Variants in DCHS2 observed in about 807,000 individuals in gnomAD.
DCHS2 encodes the protein dachsous cadherin-related 2, also known as protocadherin-23.
DCHS2 carries 142 observed loss-of-function variants against 182.4 expected under a neutral mutation model. The ratio of observed to expected loss-of-function variants is 0.78; its 90% CI spans 0.68 to 0.89. DCHS2 has a LOEUF of 0.89. Ranked by LOEUF, DCHS2 falls within the 40% of genes least tolerant of loss-of-function variation. DCHS2 has a pLI of 0.00. For synonymous variants in DCHS2, 1,740 were observed against 1,663.3 expected, an observed-to-expected ratio of 1.05 and a Z score of -1.12; for missense variants, 4,319 against 4,198.6, an observed-to-expected ratio of 1.03 and a Z score of -0.79.
chr4:154,446,718 C>T (rs1400144086), intron 1 of DCHS2, among the ~76,000 whole-genome samples: 5 of 152,094 alleles, frequency 3.3e-5, no homozygotes, highest in Admixed American at 6.6e-5. Context: ...AATGCTGCCT[C>T]TCCTGACATT....
At chr4:154,479,657 T>C (rs1373628860) in intron 1 of DCHS2, among the ~76,000 whole-genome samples, 1 of 152,222 alleles carries the variant, frequency 6.6e-6, no homozygotes, top group African/African-American at 2.4e-5. Context: ...TCTTTTAAAA[T>C]CTACTAAGAA....
chr4:154,446,987 G>A (rs1053527480), intron 1 of DCHS2, among the ~76,000 whole-genome samples: 21 of 151,720 alleles, frequency 1.4e-4, no homozygotes, highest in Non-Finnish European at 1.0e-4. Flanking sequence ...CATAATAAAT[G>A]CAAGTAAAAC....
intron 10 of DCHS2, among the ~76,000 whole-genome samples, chr4:154,309,817 A>G (rs1735601409): frequency 6.6e-6 from 1 of 152,242 alleles, no homozygotes; most frequent in Non-Finnish European, 1.5e-5. Context: ...TAAAGTGACT[A>G]TTAAAGGACT....
chr4:154,239,165 C>A lies in DCHS2; in HGVS notation c.7492+5G>T. On this transcript the variant is annotated splice_donor_5th_base_variant and intron_variant, in intron 19 of 19. Coordinates refer to ENST00000357232, the MANE Select transcript of DCHS2 (RefSeq NM_001358235.2). The stretch of plus-strand genomic sequence containing the variant: ...TGAGCATTAATGCAATTATAAATAA[C>A]TCACCATTCTTAGGATCAATGGAGA... 6.2e-7 allele frequency: 1 copy of A among 1,609,614 alleles called. No homozygotes were observed. The highest frequency in any genetic ancestry group is 8.5e-7 in the Non-Finnish European group (1 of 1,178,294).
At chr4:154,403,379 C>CGGT (rs1732271311) in intron 1 of DCHS2, among the ~76,000 whole-genome samples, 1 of 151,968 alleles carries the variant, frequency 6.6e-6, no homozygotes, top group African/African-American at 2.4e-5. Flanking sequence ...GTTGTTTTTT[C>CGGT]AAATACTTTT....
At chr4:154,244,643 TAA>T (rs1731990819) in intron 16 of DCHS2, among the ~76,000 whole-genome samples, 1 of 152,168 alleles carries the variant, frequency 6.6e-6, no homozygotes, top group Non-Finnish European at 1.5e-5. Flanking sequence ...TGACATGAAA[TAA>T]ACATCAACTC....
chr4:154,342,232 C>T (rs115751735), intron 3 of DCHS2, among the ~76,000 whole-genome samples: 4 of 150,876 alleles, frequency 2.7e-5, no homozygotes, highest in African/African-American at 9.8e-5. Flanking sequence ...AAAGTGTTAA[C>T]AGTCATTTGA....
intron 10 of DCHS2, among the ~76,000 whole-genome samples, chr4:154,306,245 A>T (rs4540030): frequency 0.53 from 80,944 of 151,852 alleles, 22,334 homozygotes; most frequent in Admixed American, 0.63. Context: ...TTGAGATATA[A>T]TCTGCAGGCA....
At chr4:154,351,862 A>G (rs1729632965) in intron 3 of DCHS2, among the ~76,000 whole-genome samples, 1 of 152,182 alleles carries the variant, frequency 6.6e-6, no homozygotes, top group South Asian at 2.1e-4. Context: ...CTGGTTCCCA[A>G]CAGGCCACAG....
chr4:154,374,118 T>A, intron 2 of DCHS2: 1 of 605,818 alleles, frequency 1.7e-6, no homozygotes, highest in Non-Finnish European at 2.8e-6. Context: ...GCACTGTGCT[T>A]TCCAGGCTGT....
chr4:154,410,550 C>A (rs1216960470), intron 1 of DCHS2, among the ~76,000 whole-genome samples: 1 of 102,962 alleles, frequency 9.7e-6, no homozygotes, highest in Non-Finnish European at 1.8e-5. Context: ...AATCCCAGTA[C>A]TTTGACAGAG....
intron 5 of DCHS2, among the ~76,000 whole-genome samples, chr4:154,330,158 G>A (rs1354554641): frequency 3.9e-5 from 6 of 152,188 alleles, no homozygotes; most frequent in Admixed American, 3.9e-4. Context: ...CTGCTGTCAG[G>A]AAGAAATGTA....
At chr4:154,244,282 G>A (rs779510442) in intron 16 of DCHS2, among the ~76,000 whole-genome samples, 3 of 152,162 alleles carry the variant, frequency 2.0e-5, no homozygotes, top group Non-Finnish European at 4.4e-5. Flanking sequence ...TACATTATAT[G>A]ACAGAGCTGG....
Position 154,298,248 on chromosome 4 carries a change from T to G in DCHS2, c.6066A>C (p.Val2022=). The part of the protein sequence containing the change: ...CSIQGSRSTT[V]IIKVYVTDVN... Reference sequence around the variant, plus strand: ...CATCAGTGACATATACTTTTATAATTACAGTGGTGCTTCGTGAACCCTGGA... The same window carrying G: ...CATCAGTGACATATACTTTTATAATGACAGTGGTGCTTCGTGAACCCTGGA... Residue 2022 remains valine (V), a synonymous_variant, in exon 13 of 20, where the codon GTA becomes GTC. Coordinates refer to ENST00000357232, the MANE Select transcript of DCHS2 (RefSeq NM_001358235.2). The G allele has an allele frequency of 1.2e-6, 2 of 1,614,184 alleles. No homozygotes were observed. Among genetic ancestry groups the G allele is most frequent in the Non-Finnish European group, 1.7e-6 (2 of 1,180,018 alleles).
chr4:154,343,609 A>G lies in DCHS2; in HGVS notation c.2477-8505T>C, dbSNP rs557753021. Reference sequence around the variant, plus strand: ...ATGAACCAACCTCTGCTAGCTTCAAATTTTTTTTCTGCAGCTTCCTCATCT... The same window carrying G: ...ATGAACCAACCTCTGCTAGCTTCAAGTTTTTTTTCTGCAGCTTCCTCATCT... On this transcript the variant is annotated intron_variant, in intron 3 of 19. Transcript: ENST00000357232. 2.0e-6 allele frequency: 3 copies of G among 1,510,794 alleles called. No homozygotes were observed. In the South Asian group the frequency reaches 4.1e-5, roughly 20 times the overall value. 93.6% of individuals were successfully genotyped at this position (1,510,794 alleles called of 1,614,324 possible). A position where few individuals can be genotyped will look rare whatever the true frequency, so the allele number is the denominator to read the frequency against.
At chr4:154,482,192 G>A (rs1280497904) in intron 1 of DCHS2, among the ~76,000 whole-genome samples, 1 of 152,176 alleles carries the variant, frequency 6.6e-6, no homozygotes, top group Non-Finnish European at 1.5e-5. Context: ...ACTTTTGCCT[G>A]TTCAATAGAA....
intron 17 of DCHS2, 48 bp downstream of exon 17, chr4:154,242,594 A>T: frequency 6.3e-7 from 1 of 1,587,316 alleles, no homozygotes; most frequent in South Asian, 1.2e-5. Context: ...ATGGTAAATG[A>T]TATTATACAA....
chr4:154,337,732 T>TTTC (rs1728876643), intron 3 of DCHS2, among the ~76,000 whole-genome samples: 1 of 150,338 alleles, frequency 6.7e-6, no homozygotes, highest in South Asian at 2.1e-4. Flanking sequence ...CTAGCCATAT[T>TTTC]TTATTATTAT....
chr4:154,259,483 C>G (rs1732862602), intron 15 of DCHS2, 62 bp downstream of exon 15: 2 of 1,576,792 alleles, frequency 1.3e-6, no homozygotes, highest in African/African-American at 2.7e-5. Context: ...CTCTCTCTCT[C>G]TCTCACACAG....
Sources: allele counts gnomAD v4.1 joint callset (sites outside exome capture counted in the v4.1 genomes callset), GRCh38; gene constraint gnomAD v4.1.1; transcripts MANE v1.5; gene names NCBI Gene and HGNC (gene_info 2026-07-23, HGNC 2026-07-21).